The following KAZN variants were observed in gnomAD, a reference collection of about 807,000 sequenced individuals.
KAZN encodes the protein kazrin, periplakin interacting protein, also known as kazrin.
In KAZN, 40 loss-of-function variants were observed where a neutral mutation model predicts 87.4. That is an observed-to-expected ratio of 0.46 (90% CI 0.36 to 0.60). The LOEUF (loss-of-function observed/expected upper bound fraction) is 0.60. KAZN is among the 20% of genes least tolerant of loss of function. The pLI, the probability that KAZN is intolerant of heterozygous loss-of-function variation, is 0.00. For synonymous variants in KAZN, 466 were observed against 458.3 expected, an observed-to-expected ratio of 1.02 and a Z score of -0.22; for missense variants, 898 against 1,073.9, an observed-to-expected ratio of 0.84 and a Z score of 2.29.
At chr1:14,050,186 G>A (rs1221543989) in intron 1 of KAZN, among the ~76,000 whole-genome samples, 6 of 151,838 alleles carry the variant, frequency 4.0e-5, no homozygotes, top group African/African-American at 1.2e-4. Flanking sequence ...GCGCACATGT[G>A]TGTACACATA....
At chr1:14,916,258 C>T (rs529098275) in intron 1 of KAZN, among the ~76,000 whole-genome samples, 1 of 151,164 alleles carries the variant, frequency 6.6e-6, no homozygotes, top group Admixed American at 6.6e-5. Flanking sequence ...CAGCCTCCAC[C>T]TCCCGGGTTC....
chr1:14,387,207 C>A (rs1230486251), intron 2 of KAZN, among the ~76,000 whole-genome samples: 1 of 152,090 alleles, frequency 6.6e-6, no homozygotes, highest in Non-Finnish European at 1.5e-5. Flanking sequence ...TCTAGTTATA[C>A]ATTCTTCTAA....
intron 6 of KAZN, chr1:15,063,229 A>T: frequency 3.5e-6 from 1 of 288,436 alleles, no homozygotes; most frequent in Non-Finnish European, 6.5e-6. Flanking sequence ...TATGAAAAGC[A>T]CCAAGTCTAA....
At chr1:15,104,544 A>G (rs1641228082) in intron 13 of KAZN, among the ~76,000 whole-genome samples, 1 of 152,186 alleles carries the variant, frequency 6.6e-6, no homozygotes, top group Non-Finnish European at 1.5e-5. Context: ...TTGGCCTAAT[A>G]GGTTGAGTTG....
At chr1:13,952,943 G>A (rs1641408740) in intron 1 of KAZN, among the ~76,000 whole-genome samples, 1 of 152,132 alleles carries the variant, frequency 6.6e-6, no homozygotes, top group African/African-American at 2.4e-5. Context: ...TATTTCCTAA[G>A]ATATAGGGAG....
upstream of KAZN, among the ~76,000 whole-genome samples, chr1:14,598,206 G>C (rs1051644538): frequency 2.6e-5 from 4 of 152,088 alleles, no homozygotes; most frequent in African/African-American, 4.8e-5. The surrounding 1 kb of genome is among the most constrained non-coding windows in gnomAD (Gnocchi z 4.2). Context: ...GGTGGAGAGT[G>C]AGAGGCACGC....
chr1:14,256,205 G>A (rs550628612), intron 2 of KAZN, among the ~76,000 whole-genome samples: 3 of 152,192 alleles, frequency 2.0e-5, no homozygotes, highest in South Asian at 2.1e-4. Context: ...TTCCCGGTGC[G>A]TTGGAGTTGC....
chr1:14,449,298 G>T (rs59405703), intron 2 of KAZN, among the ~76,000 whole-genome samples: 18,774 of 152,158 alleles, frequency 0.12, 1,628 homozygotes, highest in African/African-American at 0.23. Context: ...ATGGCTGCTG[G>T]CCATCCTGGA....
At chr1:14,946,905 G>A (rs1270090569) in intron 1 of KAZN, among the ~76,000 whole-genome samples, 1 of 152,142 alleles carries the variant, frequency 6.6e-6, no homozygotes. Flanking sequence ...TCTATAATAT[G>A]GAAATAGAAA....
intron 1 of KAZN, among the ~76,000 whole-genome samples, chr1:14,811,529 C>T (rs1362441508): frequency 6.6e-6 from 1 of 152,192 alleles, no homozygotes; most frequent in African/African-American, 2.4e-5. Context: ...GTTTCTTTGG[C>T]TAAGAATCAT....
At chr1:14,249,784 A>G (rs1253836368) in intron 2 of KAZN, among the ~76,000 whole-genome samples, 1 of 152,220 alleles carries the variant, frequency 6.6e-6, no homozygotes, top group African/African-American at 2.4e-5. Flanking sequence ...CTGTTGAGCC[A>G]GAAACAGTGT....
chr1:14,682,219 C>T (rs1366971740), intron 1 of KAZN, among the ~76,000 whole-genome samples: 1 of 151,888 alleles, frequency 6.6e-6, no homozygotes, highest in African/African-American at 2.4e-5. Context: ...GTGAATCATA[C>T]AGTATTGTTC....
At chr1:14,909,051 T>C (rs1231935004) in intron 1 of KAZN, among the ~76,000 whole-genome samples, 1 of 152,038 alleles carries the variant, frequency 6.6e-6, no homozygotes, top group African/African-American at 2.4e-5. Flanking sequence ...TCTCACATCA[T>C]CTCAACAGCA....
chr1:15,042,344 G>C (rs1029361229), intron 3 of KAZN, among the ~76,000 whole-genome samples: 1 of 152,164 alleles, frequency 6.6e-6, no homozygotes. Flanking sequence ...GTTTGTACCA[G>C]ACAAATATCC....
At chr1:14,515,661 A>G (rs1339840079) in intron 2 of KAZN, among the ~76,000 whole-genome samples, 1 of 152,086 alleles carries the variant, frequency 6.6e-6, no homozygotes, top group East Asian at 1.9e-4. Flanking sequence ...CTTTCCCTGG[A>G]GCCCTTGTCC....
At chr1:14,817,575 T>C (rs1646607703) in intron 1 of KAZN, among the ~76,000 whole-genome samples, 1 of 152,228 alleles carries the variant, frequency 6.6e-6, no homozygotes, top group South Asian at 2.1e-4. Flanking sequence ...TAGTAGGTGC[T>C]CAATAATGTT....
intron 8 of KAZN, chr1:15,067,518 C>G: frequency 1.0e-6 from 1 of 985,484 alleles, no homozygotes; most frequent in South Asian, 4.7e-5. Context: ...TCGTCCTTAA[C>G]AACTAACAGC....
intron 1 of KAZN, among the ~76,000 whole-genome samples, chr1:14,953,923 C>G (rs934957388): frequency 7.4e-6 from 1 of 135,808 alleles, no homozygotes; most frequent in East Asian, 2.0e-4. Context: ...CATGGACAAC[C>G]CTAGCTGCAA....
At chr1:14,359,761 G>A (rs1314318180) in intron 2 of KAZN, among the ~76,000 whole-genome samples, 1 of 152,164 alleles carries the variant, frequency 6.6e-6, no homozygotes, top group African/African-American at 2.4e-5. Context: ...TTGAATATTG[G>A]CCCTCACTCT....
Sources: allele counts gnomAD v4.1 joint callset (sites outside exome capture counted in the v4.1 genomes callset), GRCh38; gene constraint gnomAD v4.1.1; non-coding constraint Gnocchi (gnomAD v3.1); transcripts MANE v1.5; gene names NCBI Gene and HGNC (gene_info 2026-07-23, HGNC 2026-07-21).